Variants in KIRREL3 observed in about 807,000 individuals in gnomAD.
KIRREL3 encodes the protein kin of IRRE-like protein 3.
In KIRREL3, 36 loss-of-function variants were observed where a neutral mutation model predicts 89.7. That is an observed-to-expected ratio of 0.40 (90% CI 0.31 to 0.53). KIRREL3 has a LOEUF of 0.53. Ranked by LOEUF, KIRREL3 falls within the 20% of genes least tolerant of loss-of-function variation. KIRREL3 has a pLI of 0.49. For synonymous variants in KIRREL3, 445 were observed against 441.4 expected (o/e 1.01, Z -0.10); for missense variants, 864 against 1,056.6 (o/e 0.82, Z 2.53).
rs887729935 is a variant in KIRREL3, at chr11:126,795,727, G to A, written c.55+204728C>T. Among the ~76,000 whole-genome samples, 18 of 152,200 alleles carry A rather than the reference G, an allele frequency of 1.2e-4. No homozygotes were observed. The highest frequency in any genetic ancestry group is 4.1e-4 in the African/African-American group (17 of 41,522). ...TTTGCACTTTCTGTTCAATATTTCTGTAAACCTAAAAATCCTCAAAAAAAT... is the reference window on the plus strand; with the variant it reads ...TTTGCACTTTCTGTTCAATATTTCTATAAACCTAAAAATCCTCAAAAAAAT... On this transcript the variant is annotated intron_variant, in intron 1 of 16. Coordinates refer to ENST00000525144, the MANE Select transcript of KIRREL3 (RefSeq NM_032531.4). This position sits in a 1 kb window ranked among gnomAD's most constrained non-coding sequence, Gnocchi z 4.1.
intron 1 of KIRREL3, among the ~76,000 whole-genome samples, chr11:126,597,306 G>A (rs1304293289): frequency 6.6e-6 from 1 of 152,224 alleles, no homozygotes; most frequent in Non-Finnish European, 1.5e-5. Flanking sequence ...CCAGTAGCCC[G>A]CTGCAAGCTG....
Position 126,702,606 on chromosome 11 carries a change from C to A in KIRREL3, c.56-139694G>T, listed in dbSNP as rs189331508. 7.9e-5 allele frequency among the ~76,000 whole-genome samples: 12 copies of A among 152,358 alleles called. No individual in the cohort carries two copies. In the East Asian group the frequency reaches 1.5e-3, roughly 20 times the overall value. The stretch of plus-strand genomic sequence containing the variant: ...GCTGACTTCTTTTCAGAACAAAGCA[C>A]AGCAAAACAAAACACACAGCGGCTG... On this transcript the variant is annotated intron_variant, in intron 1 of 16. Coordinates refer to ENST00000525144, the MANE Select transcript of KIRREL3 (RefSeq NM_032531.4).
chr11:126,671,095 C>G (rs1167968911), intron 1 of KIRREL3, among the ~76,000 whole-genome samples: 1 of 152,152 alleles, frequency 6.6e-6, no homozygotes, highest in Non-Finnish European at 1.5e-5. Context: ...GAAACAGAGA[C>G]TAGACACAGA....
chr11:126,634,294 A>G (rs1369657187), intron 1 of KIRREL3, among the ~76,000 whole-genome samples: 3 of 152,242 alleles, frequency 2.0e-5, no homozygotes, highest in Non-Finnish European at 4.4e-5. Flanking sequence ...GCCGGACCCT[A>G]TGACATGCAC....
rs369899175 is a variant in KIRREL3 at position 126,937,763 on chromosome 11, G to A, written c.55+62692C>T. Among the ~76,000 whole-genome samples, 446 of 152,326 alleles carry A rather than the reference G, an allele frequency of 2.9e-3. 1 individual carries two copies. Among genetic ancestry groups the A allele is most frequent in the African/African-American group, 0.01 (431 of 41,564 alleles). ...AAATACAAAAAATCAGCCGGGCGTG[G>A]TGGCAGGTGCCTGTAGTCCCAGCTG... On this transcript the variant is annotated intron_variant, in intron 1 of 16. Coordinates refer to ENST00000525144, the MANE Select transcript of KIRREL3 (RefSeq NM_032531.4).
Position 126,668,760 on chromosome 11 carries a change from C to A in KIRREL3, c.56-105848G>T, listed in dbSNP as rs199568486. On this transcript the variant is annotated intron_variant, in intron 1 of 16. Transcript: ENST00000525144. This position sits in a 1 kb window ranked among gnomAD's most constrained non-coding sequence, Gnocchi z 4.4. ...TTCTTTCTTTCTTTCTTTCTTTTTT[C>A]TCTTTCTTTCTTTCAAAAAAGTTCA... is the stretch of plus-strand genomic sequence containing the variant. 1.5e-5 allele frequency among the ~76,000 whole-genome samples: 1 copy of A among 68,824 alleles called. No individual in the cohort carries two copies. The highest frequency in any genetic ancestry group is 5.3e-4 in the East Asian group (1 of 1,874). The allele number at this position is 68,824 out of a possible 152,430, so 45.2% of individuals were successfully genotyped here. A position where few individuals can be genotyped will look rare whatever the true frequency, so the allele number is the denominator to read the frequency against.
At chr11:126,599,700 C>T (rs2134741868) in intron 1 of KIRREL3, among the ~76,000 whole-genome samples, 1 of 152,342 alleles carries the variant, frequency 6.6e-6, no homozygotes, top group South Asian at 2.1e-4. Context: ...TCTAATCAGG[C>T]TTCTCCAGAA....
chr11:126,725,858 G>T (rs111451287), intron 1 of KIRREL3, among the ~76,000 whole-genome samples: 2 of 152,194 alleles, frequency 1.3e-5, no homozygotes, highest in South Asian at 4.1e-4. Flanking sequence ...GCTTCCCCTC[G>T]CTGAGTCTCA....
In KIRREL3 at chr11:126,424,748, C is replaced by T; in HGVS notation, c.2169G>A (p.Leu723=). 6.2e-7 allele frequency: 1 copy of T among 1,614,048 alleles called. No individual in the cohort carries two copies. Among genetic ancestry groups the T allele is most frequent in the Non-Finnish European group, 8.5e-7 (1 of 1,179,902 alleles). Residue 723 remains leucine (L), a synonymous_variant, in exon 17 of 17, where the codon CTG becomes CTA. Coordinates refer to ENST00000525144, the MANE Select transcript of KIRREL3 (RefSeq NM_032531.4). ...RGSLSDSSSF[L]DTQCDSSVSS... is the part of the protein sequence containing the mutation. Reference sequence around the variant, plus strand: ...TGACGCTGCTGTCACACTGCGTGTCCAGGAAGGAGCTGCTGTCGCTGAGGG... The same window carrying T: ...TGACGCTGCTGTCACACTGCGTGTCTAGGAAGGAGCTGCTGTCGCTGAGGG...
Position 126,427,952 on chromosome 11 carries a change from G to A in KIRREL3, c.1806+1227C>T, listed in dbSNP as rs999510205. ...TTTTGAAGTGGAATTGACAGGACCT[G>A]AAAATCAATTGGAGAGAGAAAGCGT... On this transcript the variant is annotated intron_variant, in intron 15 of 16. Transcript: ENST00000525144. The surrounding 1 kb of genome is among the most constrained non-coding windows in gnomAD (Gnocchi z 5.3). 6.6e-6 allele frequency among the ~76,000 whole-genome samples: 1 copy of A among 152,192 alleles called. No individual in the cohort carries two copies. The highest frequency in any genetic ancestry group is 1.5e-5 in the Non-Finnish European group (1 of 68,030).
At chr11:126,880,504 C>T (rs959942807) in intron 1 of KIRREL3, among the ~76,000 whole-genome samples, 4 of 152,198 alleles carry the variant, frequency 2.6e-5, no homozygotes, top group Admixed American at 1.3e-4. Context: ...GGCATTTCAG[C>T]TCAAGTCACT....
chr11:126,701,635 G>A (rs1947316540), intron 1 of KIRREL3, among the ~76,000 whole-genome samples: 1 of 152,108 alleles, frequency 6.6e-6, no homozygotes. Context: ...GAGGAGCAGA[G>A]GCCCACAGAG....
intron 1 of KIRREL3, among the ~76,000 whole-genome samples, chr11:126,835,423 A>C (rs1019629139): frequency 1.2e-4 from 18 of 152,368 alleles, no homozygotes; most frequent in Admixed American, 1.1e-3. Flanking sequence ...AGAAAAGAAA[A>C]GCAGAGCAGC....
In KIRREL3 at chr11:126,625,130, C is replaced by T. The variant is rs79295187; in HGVS notation, c.56-62218G>A. 4.6e-3 allele frequency among the ~76,000 whole-genome samples: 694 copies of T among 152,264 alleles called. 4 individuals carry two copies. The highest frequency in any genetic ancestry group is 0.016 in the African/African-American group (674 of 41,560). Reference sequence around the variant, plus strand: ...CAAAACTACTATCTAATCTTAACAGCGTCTACCCTGTGCCCTACTTGATCT... The same window carrying T: ...CAAAACTACTATCTAATCTTAACAGTGTCTACCCTGTGCCCTACTTGATCT... On this transcript the variant is annotated intron_variant, in intron 1 of 16. Coordinates refer to ENST00000525144, the MANE Select transcript of KIRREL3 (RefSeq NM_032531.4).
At position 126,614,836 on chromosome 11, in the gene KIRREL3, A is replaced by G. The variant is rs938142859; in HGVS notation, c.56-51924T>C. ...GTATCAGGTCTGGGTTGGGGCAGGTAAATCTTCCTTTCTTTGTGGGCTCAT... is the reference window on the plus strand; with the variant it reads ...GTATCAGGTCTGGGTTGGGGCAGGTGAATCTTCCTTTCTTTGTGGGCTCAT... On this transcript the variant is annotated intron_variant, in intron 1 of 16. Coordinates refer to ENST00000525144, the MANE Select transcript of KIRREL3 (RefSeq NM_032531.4). This position sits in a 1 kb window ranked among gnomAD's most constrained non-coding sequence, Gnocchi z 4.6. Among the ~76,000 whole-genome samples the G allele has an allele frequency of 4.6e-5, 7 of 152,166 alleles. No homozygotes were observed. The highest frequency in any genetic ancestry group is 6.5e-5 in the Admixed American group (1 of 15,270).
In KIRREL3 at chr11:126,497,211, TGTGTGAGAGTGA is replaced by T. The variant is rs1957691903; in HGVS notation, c.434-23757_434-23746del. On this transcript the variant is annotated intron_variant, in intron 4 of 16. Transcript: ENST00000525144. ...GAGTGTGAGTGTGTGTGAGTGTGAG[TGTGTGAGAGTGA>T]GTGTGTGTGAGACAGTGTGAGTGTG... Among the ~76,000 whole-genome samples, 29 of 25,610 alleles carry T rather than the reference TGTGTGAGAGTGA, an allele frequency of 1.1e-3. No homozygotes were observed. In the South Asian group the frequency reaches 0.015, roughly 13 times the overall value. The allele number at this position is 25,610 out of a possible 152,430, so 16.8% of individuals were successfully genotyped here.
At chr11:126,470,471 T>C (rs1956855853) in intron 5 of KIRREL3, among the ~76,000 whole-genome samples, 1 of 152,228 alleles carries the variant, frequency 6.6e-6, no homozygotes, top group Non-Finnish European at 1.5e-5. Context: ...TGCTGGGTTC[T>C]TTGATCGGCA....
intron 1 of KIRREL3, among the ~76,000 whole-genome samples, chr11:126,583,521 A>T (rs1006413612): frequency 3.3e-5 from 5 of 152,212 alleles, no homozygotes; most frequent in African/African-American, 1.2e-4. Flanking sequence ...TAGAAAATGA[A>T]TATACGAAGG....
chr11:126,970,602 C>T lies in KIRREL3; in HGVS notation c.55+29853G>A, dbSNP rs1051819502. ...TTATTAAGTATCAAATCACAGAACACGTTTGCTTTTACTTTTGTGTACTCA... is the reference window on the plus strand; with the variant it reads ...TTATTAAGTATCAAATCACAGAACATGTTTGCTTTTACTTTTGTGTACTCA... On this transcript the variant is annotated intron_variant, in intron 1 of 16. Coordinates refer to ENST00000525144, the MANE Select transcript of KIRREL3 (RefSeq NM_032531.4). The surrounding 1 kb of genome is among the most constrained non-coding windows in gnomAD (Gnocchi z 4.4). 1.3e-5 allele frequency among the ~76,000 whole-genome samples: 2 copies of T among 152,128 alleles called. No individual in the cohort carries two copies. The highest frequency in any genetic ancestry group is 2.9e-5 in the Non-Finnish European group (2 of 68,028).
Sources: allele counts gnomAD v4.1 joint callset (sites outside exome capture counted in the v4.1 genomes callset), GRCh38; gene constraint gnomAD v4.1.1; non-coding constraint Gnocchi (gnomAD v3.1); transcripts MANE v1.5; gene names NCBI Gene and HGNC (gene_info 2026-07-23, HGNC 2026-07-21).